PLCL1: variants seen among roughly 807,000 people sequenced by gnomAD.
PLCL1 encodes phospholipase C like 1 (inactive).
A neutral mutation model predicts 84.4 loss-of-function variants in PLCL1; 41 were observed. The ratio of observed to expected loss-of-function variants is 0.49; its 90% CI spans 0.38 to 0.63. The LOEUF (loss-of-function observed/expected upper bound fraction) is 0.63. Among genes scored for constraint, PLCL1 ranks in the 30% least tolerant of loss-of-function variants. The pLI, the probability that PLCL1 is intolerant of heterozygous loss-of-function variation, is 0.00. For missense variants in PLCL1, 1,206 were observed against 1,367.8 expected, an observed-to-expected ratio of 0.88 and a Z score of 1.87; for synonymous variants, 490 against 488.3, an observed-to-expected ratio of 1.00 and a Z score of -0.05.
rs985014000 is a variant in PLCL1, at chr2:197,874,802, T to C, written c.240+69463T>C. Among the ~76,000 whole-genome samples, 10 of 152,300 alleles carry C rather than the reference T, an allele frequency of 6.6e-5. No homozygotes were observed. In the Middle Eastern group the frequency reaches 0.01, roughly 155 times the overall value. On this transcript the variant is annotated intron_variant, in intron 1 of 5. Coordinates refer to ENST00000428675, the MANE Select transcript of PLCL1 (RefSeq NM_006226.4). ...TGCTTGTTTTCTAGGGTTTGCAGTGTAATTTTATCTATTTAACTTTATAAT... is the reference window on the plus strand; with the variant it reads ...TGCTTGTTTTCTAGGGTTTGCAGTGCAATTTTATCTATTTAACTTTATAAT...
intron 5 of PLCL1, among the ~76,000 whole-genome samples, chr2:198,110,420 C>T (rs540132454): frequency 3.3e-5 from 5 of 151,976 alleles, no homozygotes; most frequent in Non-Finnish European, 5.9e-5. Context: ...ACTGAATTCC[C>T]GAATTTCAGG....
intron 1 of PLCL1, among the ~76,000 whole-genome samples, chr2:197,961,556 A>G (rs1689624745): frequency 6.6e-6 from 1 of 151,992 alleles, no homozygotes; most frequent in African/African-American, 2.4e-5. Flanking sequence ...TTCCTATGGT[A>G]TCTTTTGGAA....
intron 1 of PLCL1, among the ~76,000 whole-genome samples, chr2:197,895,003 T>C (rs758163089): frequency 2.4e-4 from 37 of 152,194 alleles, no homozygotes; most frequent in Non-Finnish European, 4.1e-4. Flanking sequence ...TGGAAGCTGT[T>C]TATCTATTTC....
At chr2:197,923,102 G>A (rs1238481882) in intron 1 of PLCL1, among the ~76,000 whole-genome samples, 19 of 138,702 alleles carry the variant, frequency 1.4e-4, no homozygotes, top group African/African-American at 1.9e-4. Context: ...CCTCCCTACC[G>A]GACGGGGCGG....
chr2:197,908,757 AG>A (rs1286755973), intron 1 of PLCL1, among the ~76,000 whole-genome samples: 1 of 152,228 alleles, frequency 6.6e-6, no homozygotes, highest in Admixed American at 6.5e-5. Context: ...GCAGTATAGA[AG>A]AGGTGATATT....
At chr2:197,880,004 C>T (rs1326923907) in intron 1 of PLCL1, among the ~76,000 whole-genome samples, 1 of 152,132 alleles carries the variant, frequency 6.6e-6, no homozygotes, top group Admixed American at 6.6e-5. Flanking sequence ...ATTTTGTTTT[C>T]ACATACTGCT....
chr2:198,054,323 T>C (rs1391245486), intron 1 of PLCL1, among the ~76,000 whole-genome samples: 1 of 152,220 alleles, frequency 6.6e-6, no homozygotes, highest in African/African-American at 2.4e-5. Flanking sequence ...TTCAACCAAA[T>C]GGACCTAACA....
intron 1 of PLCL1, among the ~76,000 whole-genome samples, chr2:197,994,456 T>A (rs1690415158): frequency 6.6e-6 from 1 of 152,184 alleles, no homozygotes; most frequent in Non-Finnish European, 1.5e-5. Flanking sequence ...AAGAAAGTCA[T>A]CTGAGTCAGA....
At chr2:198,135,826 C>T (rs1052752734) in intron 5 of PLCL1, among the ~76,000 whole-genome samples, 3 of 152,186 alleles carry the variant, frequency 2.0e-5, no homozygotes, top group African/African-American at 7.2e-5. Context: ...CTCATTTTTA[C>T]TTTCTCTGCT....
At chr2:197,840,270 A>G (rs891736890) in intron 1 of PLCL1, among the ~76,000 whole-genome samples, 6 of 151,888 alleles carry the variant, frequency 4.0e-5, no homozygotes, top group African/African-American at 1.5e-4. Flanking sequence ...TTTGCACCCA[A>G]TTTACTTTTC....
At chr2:197,955,095 C>G (rs774719760) in intron 1 of PLCL1, among the ~76,000 whole-genome samples, 1 of 152,012 alleles carries the variant, frequency 6.6e-6, no homozygotes, top group Non-Finnish European at 1.5e-5. Context: ...CTTCCCATTC[C>G]TATACGCTTT....
At chr2:197,906,790 T>G (rs541340653) in intron 1 of PLCL1, among the ~76,000 whole-genome samples, 1 of 152,296 alleles carries the variant, frequency 6.6e-6, no homozygotes, top group African/African-American at 2.4e-5. Flanking sequence ...CCCTTGTAAG[T>G]TGTATTCCTG....
At chr2:197,850,883 G>A (rs1183094617) in intron 1 of PLCL1, among the ~76,000 whole-genome samples, 1 of 152,164 alleles carries the variant, frequency 6.6e-6, no homozygotes, top group African/African-American at 2.4e-5. Context: ...AGAGTTTCAT[G>A]GCCATGAAGA....
chr2:197,869,920 C>G (rs924010282), intron 1 of PLCL1, among the ~76,000 whole-genome samples: 1 of 152,138 alleles, frequency 6.6e-6, no homozygotes, highest in African/African-American at 2.4e-5. Context: ...AGCTTCTTAT[C>G]TGATTTTGTA....
At chr2:198,039,107 G>A (rs774845439) in intron 1 of PLCL1, among the ~76,000 whole-genome samples, 1 of 152,102 alleles carries the variant, frequency 6.6e-6, no homozygotes, top group Non-Finnish European at 1.5e-5. Flanking sequence ...CATTTTTGTG[G>A]AGGGTAAACA....
chr2:197,931,675 A>G (rs10168393), intron 1 of PLCL1, among the ~76,000 whole-genome samples: 77 of 90,774 alleles, frequency 8.5e-4, no homozygotes, highest in African/African-American at 3.1e-3. Flanking sequence ...CAACCAACCA[A>G]CCACCCACCC....
intron 1 of PLCL1, among the ~76,000 whole-genome samples, chr2:197,928,154 A>T (rs1426770364): frequency 6.6e-6 from 1 of 152,268 alleles, no homozygotes; most frequent in East Asian, 1.9e-4. Context: ...TTCCTTTTGC[A>T]TTTATTGCTC....
At chr2:197,886,870 C>T (rs891674531) in intron 1 of PLCL1, among the ~76,000 whole-genome samples, 5 of 152,214 alleles carry the variant, frequency 3.3e-5, no homozygotes, top group East Asian at 1.9e-4. Flanking sequence ...AAAGTCTTCC[C>T]GAAATGCTAG....
At chr2:198,144,072 G>A (rs1694457926) in intron 5 of PLCL1, among the ~76,000 whole-genome samples, 1 of 152,100 alleles carries the variant, frequency 6.6e-6, no homozygotes, top group Non-Finnish European at 1.5e-5. Context: ...GCATTTGGAT[G>A]CCACCTCTTA....
Sources: allele counts gnomAD v4.1 joint callset (sites outside exome capture counted in the v4.1 genomes callset), GRCh38; gene constraint gnomAD v4.1.1; transcripts MANE v1.5; gene names NCBI Gene and HGNC (gene_info 2026-07-23, HGNC 2026-07-21).